Variants in CFAP61 observed in about 807,000 individuals in gnomAD.
The protein encoded by CFAP61 is cilia- and flagella-associated protein 61.
CFAP61 carries 107 observed loss-of-function variants against 135.6 expected under a neutral mutation model. The ratio of observed to expected loss-of-function variants is 0.79; its 90% CI spans 0.67 to 0.93. CFAP61 has a LOEUF of 0.93. Ranked by LOEUF, CFAP61 falls within the 40% of genes least tolerant of loss-of-function variation. The pLI is 0.00. For synonymous variants in CFAP61, 575 were observed against 578.5 expected (o/e 0.99, Z 0.09); for missense variants, 1,507 against 1,556.2 (o/e 0.97, Z 0.53).
chr20:20,352,292 C>T (rs1276021536), intron 26 of CFAP61, among the ~76,000 whole-genome samples: 1 of 152,066 alleles, frequency 6.6e-6, no homozygotes, highest in African/African-American at 2.4e-5. Flanking sequence ...GCATAGTTCA[C>T]CCCACTATCA....
chr20:20,337,245 A>G (rs369776760), intron 25 of CFAP61, among the ~76,000 whole-genome samples: 1 of 150,808 alleles, frequency 6.6e-6, no homozygotes, highest in East Asian at 1.9e-4. Context: ...GGATGCATGG[A>G]TGGATGGATG....
chr20:20,154,492 A>T (rs2052716172), intron 9 of CFAP61, among the ~76,000 whole-genome samples: 1 of 152,074 alleles, frequency 6.6e-6, no homozygotes, highest in Non-Finnish European at 1.5e-5. Flanking sequence ...GATCTGATAT[A>T]TTCAGTAAAG....
At chr20:20,319,773 A>C (rs573972655) in intron 25 of CFAP61, among the ~76,000 whole-genome samples, 1 of 152,352 alleles carries the variant, frequency 6.6e-6, no homozygotes, top group South Asian at 2.1e-4. Flanking sequence ...TAGGACTATT[A>C]GTGCTCATAA....
intron 17 of CFAP61, chr20:20,201,031 A>G (rs1027338999): frequency 1.2e-6 from 1 of 854,494 alleles, no homozygotes; most frequent in Non-Finnish European, 1.4e-6. Context: ...CTGTTCATAT[A>G]AAGCAGGACT....
intron 25 of CFAP61, among the ~76,000 whole-genome samples, chr20:20,308,686 C>G (rs1204853227): frequency 6.6e-6 from 1 of 152,192 alleles, no homozygotes; most frequent in Admixed American, 6.5e-5. Context: ...GTTGTCAGAG[C>G]CCAAGTCTTG....
At chr20:20,054,014 T>TTTTGTTTTTG (rs1568778934) in intron 1 of CFAP61, among the ~76,000 whole-genome samples, 5 of 133,104 alleles carry the variant, frequency 3.8e-5, no homozygotes, top group African/African-American at 1.2e-4. Context: ...TTTTTGTTTG[T>TTTTGTTTTTG]TTTTTTTTTT....
intron 20 of CFAP61, among the ~76,000 whole-genome samples, chr20:20,262,632 G>C (rs1037768463): frequency 1.3e-5 from 2 of 152,180 alleles, no homozygotes; most frequent in African/African-American, 4.8e-5. Context: ...TGGTGGAACA[G>C]AGACAAGTCA....
intron 15 of CFAP61, among the ~76,000 whole-genome samples, chr20:20,192,035 T>C (rs2055956108): frequency 6.6e-6 from 1 of 152,142 alleles, no homozygotes; most frequent in Non-Finnish European, 1.5e-5. Flanking sequence ...GTTCTCTCAT[T>C]TGGTGTCTTC....
Position 20,191,347 on chromosome 20 carries a change from A to T in CFAP61, c.1518A>T (p.Gly506=). 1 of 1,612,834 alleles carries T rather than the reference A, an allele frequency of 6.2e-7. No homozygotes were observed. Among genetic ancestry groups the T allele is most frequent in the Non-Finnish European group, 8.5e-7 (1 of 1,179,126 alleles). The change falls in exon 15 of 27, where the codon GGA becomes GGT. Residue 506 remains glycine (G), a synonymous_variant. Transcript: ENST00000245957. ...RYNKARKDPD[G]TLLQAFVAEV... is the part of the protein sequence containing the mutation. Reference sequence around the variant, plus strand: ...ATATATGCTTATCTTTTCAGGATGGAACACTGCTGCAGGCATTTGTAGCTG... The same window carrying T: ...ATATATGCTTATCTTTTCAGGATGGTACACTGCTGCAGGCATTTGTAGCTG...
chr20:20,163,268 A>T (rs1462625099), intron 10 of CFAP61, among the ~76,000 whole-genome samples: 1 of 152,152 alleles, frequency 6.6e-6, no homozygotes, highest in Non-Finnish European at 1.5e-5. Context: ...ACACCTTTTT[A>T]GGTGCACCTA....
At chr20:20,270,242 T>C (rs1157112121) in intron 21 of CFAP61, among the ~76,000 whole-genome samples, 1 of 152,176 alleles carries the variant, frequency 6.6e-6, no homozygotes, top group Non-Finnish European at 1.5e-5. Context: ...TCTAACTTCA[T>C]GGCCAGACCA....
chr20:20,127,891 G>A (rs2050195873), intron 8 of CFAP61, among the ~76,000 whole-genome samples: 1 of 151,484 alleles, frequency 6.6e-6, no homozygotes, highest in Non-Finnish European at 1.5e-5. Context: ...TGGGGGTGAG[G>A]TTCCCAGGTA....
chr20:20,326,835 A>C (rs2057766955), intron 25 of CFAP61, among the ~76,000 whole-genome samples: 1 of 152,200 alleles, frequency 6.6e-6, no homozygotes, highest in Admixed American at 6.5e-5. Context: ...CAACTTTATA[A>C]AAATTATTTT....
chr20:20,228,085 A>G (rs576796694), intron 17 of CFAP61, among the ~76,000 whole-genome samples, 164 bp from the exon 18 acceptor site: 1 of 152,304 alleles, frequency 6.6e-6, no homozygotes, highest in African/African-American at 2.4e-5. Flanking sequence ...TAATTTCTTA[A>G]AAACATCTTC....
At chr20:20,269,164 C>CAT (rs1555941609) in intron 21 of CFAP61, among the ~76,000 whole-genome samples, 4,824 of 112,152 alleles carry the variant, frequency 0.043, 238 homozygotes, top group African/African-American at 0.087. Context: ...CACACACACA[C>CAT]ATACATATAT....
intron 13 of CFAP61, among the ~76,000 whole-genome samples, chr20:20,184,112 T>C (rs2055322775): frequency 6.6e-6 from 1 of 152,156 alleles, no homozygotes; most frequent in Admixed American, 6.5e-5. Flanking sequence ...CCCTGGTCTT[T>C]TAGAGTGGAC....
intron 8 of CFAP61, among the ~76,000 whole-genome samples, chr20:20,129,747 T>C (rs2050365406): frequency 6.6e-6 from 1 of 151,618 alleles, no homozygotes; most frequent in South Asian, 2.1e-4. Context: ...TTTTCATTCT[T>C]TTCTCTTTTT....
At chr20:20,096,826 AAAATT>A (rs1228819127) in intron 7 of CFAP61, among the ~76,000 whole-genome samples, 1 of 152,258 alleles carries the variant, frequency 6.6e-6, no homozygotes, top group Non-Finnish European at 1.5e-5. Context: ...ATTTGGGAAA[AAAATT>A]AAAATGTTTA....
intron 13 of CFAP61, among the ~76,000 whole-genome samples, chr20:20,185,481 A>G (rs1292747869): frequency 2.6e-5 from 4 of 152,212 alleles, no homozygotes; most frequent in Non-Finnish European, 5.9e-5. Flanking sequence ...TTAGGCTGAA[A>G]GAGAGGTGTG....
Sources: gnomAD v4.1 joint callset for allele counts (sites outside exome capture counted in the v4.1 genomes callset) on GRCh38, gnomAD v4.1.1 for gene constraint, MANE v1.5 for transcripts, NCBI Gene and HGNC (gene_info 2026-07-23, HGNC 2026-07-21) for gene names.